The following HIBADH variants were observed in gnomAD, a reference collection of about 807,000 sequenced individuals.
The protein encoded by HIBADH is 3-hydroxyisobutyrate dehydrogenase, also known as 3-hydroxyisobutyrate dehydrogenase, mitochondrial.
Under a neutral mutation model 36.1 loss-of-function variants are expected in HIBADH, and 25 were observed. The observed-to-expected ratio is 0.69, with a 90% confidence interval of 0.50 to 0.97. The LOEUF is 0.97. Ranked by LOEUF, HIBADH falls within the 50% of genes least tolerant of loss-of-function variation. The pLI, the probability that HIBADH is intolerant of heterozygous loss-of-function variation, is 0.00. For synonymous variants in HIBADH, 160 were observed against 149.5 expected, an observed-to-expected ratio of 1.07 and a Z score of -0.51; for missense variants, 421 against 418.0, an observed-to-expected ratio of 1.01 and a Z score of -0.06.
chr7:27,571,997 G>C (rs1784635179), intron 4 of HIBADH, among the ~76,000 whole-genome samples: 1 of 152,158 alleles, frequency 6.6e-6, no homozygotes, highest in South Asian at 2.1e-4. Flanking sequence ...ACGATCCATA[G>C]AACACCCTTT....
intron 2 of HIBADH, among the ~76,000 whole-genome samples, chr7:27,641,592 A>T (rs1308777776): frequency 6.6e-6 from 1 of 152,218 alleles, no homozygotes; most frequent in East Asian, 1.9e-4. Flanking sequence ...TCTTTTATCC[A>T]ACATTTTAAA....
chr7:27,644,762 TA>T lies in HIBADH; in HGVS notation c.252+4710del, dbSNP rs769062186. Among the ~76,000 whole-genome samples the T allele has an allele frequency of 6.7e-3, 956 of 142,122 alleles. 1 individual carries two copies. The highest frequency in any genetic ancestry group is 0.011 in the Middle Eastern group (3 of 274). 93.2% of individuals were successfully genotyped at this position (142,122 alleles called of 152,430 possible). ...CCTGGTGACAGAGTGAGACTCCATTTAAAAAAAAAAAAAAAATCAGAAATCT... is the reference window on the plus strand; with the variant it reads ...CCTGGTGACAGAGTGAGACTCCATTTAAAAAAAAAAAAAAATCAGAAATCT... On this transcript the variant is annotated intron_variant, in intron 2 of 7. Coordinates refer to ENST00000265395, the MANE Select transcript of HIBADH (RefSeq NM_152740.4).
At chr7:27,529,646 A>G (rs1202048769) in intron 7 of HIBADH, among the ~76,000 whole-genome samples, 1 of 152,234 alleles carries the variant, frequency 6.6e-6, no homozygotes, top group African/African-American at 2.4e-5. Context: ...TGGTTTCTTG[A>G]GATGGATCTA....
At chr7:27,527,926 T>TTTTTTTG in intron 7 of HIBADH, among the ~76,000 whole-genome samples, 1 of 123,132 alleles carries the variant, frequency 8.1e-6, no homozygotes, top group African/African-American at 3.3e-5. Flanking sequence ...GCGTTTTTTT[T>TTTTTTTG]TTTTTTTTTT....
At chr7:27,526,601 C>T (rs1321012488) in intron 7 of HIBADH, among the ~76,000 whole-genome samples, 2 of 152,170 alleles carry the variant, frequency 1.3e-5, no homozygotes, top group African/African-American at 4.8e-5. Flanking sequence ...TTTCCACCTT[C>T]CACAATACCT....
chr7:27,577,137 T>G (rs1410789088), intron 4 of HIBADH, among the ~76,000 whole-genome samples: 3 of 151,770 alleles, frequency 2.0e-5, no homozygotes, highest in Non-Finnish European at 4.4e-5. Context: ...CTACAGCACA[T>G]TTGTGAACTT....
chr7:27,655,485 T>G (rs982049253), intron 1 of HIBADH, among the ~76,000 whole-genome samples: 1 of 152,106 alleles, frequency 6.6e-6, no homozygotes, highest in Non-Finnish European at 1.5e-5. Context: ...AAGGAAAGAG[T>G]ATATGGATGT....
rs776560774 is a variant in HIBADH at position 27,526,233 on chromosome 7, C to A, written c.992G>T (p.Arg331Leu). 20 of 1,611,010 alleles carry A rather than the reference C, an allele frequency of 1.2e-5. No individual in the cohort carries two copies. The highest frequency in any genetic ancestry group is 1.5e-5 in the Non-Finnish European group (18 of 1,178,722). Residue 331 changes from arginine (R) to leucine (L), a missense_variant, in exon 8 of 8, where the codon CGA becomes CTA. Arg to Leu is a moderately radical substitution (Grantham distance 102). Transcript: ENST00000265395. ...KDFSSVFQFL[R>L]EEETF ...GCACACTCAGAAGGTCTCCTCCTCT[C>A]GTAGGAACTGGAACACGGATGAGAA...
At chr7:27,623,706 T>C (rs1785586721) in intron 4 of HIBADH, among the ~76,000 whole-genome samples, 1 of 152,166 alleles carries the variant, frequency 6.6e-6, no homozygotes, top group Admixed American at 6.5e-5. Context: ...GAAAGATCTC[T>C]ACAAGAAAAA....
At chr7:27,568,781 A>G (rs1170559674) in intron 4 of HIBADH, among the ~76,000 whole-genome samples, 2 of 151,682 alleles carry the variant, frequency 1.3e-5, no homozygotes, top group South Asian at 2.1e-4. Context: ...CATTTTTTCT[A>G]TGTGTCTGGT....
intron 4 of HIBADH, among the ~76,000 whole-genome samples, chr7:27,601,139 G>A (rs1038970500): frequency 2.0e-5 from 3 of 151,970 alleles, no homozygotes; most frequent in Non-Finnish European, 2.9e-5. Context: ...AGTATGGGCC[G>A]GTTGATTGGA....
intron 4 of HIBADH, among the ~76,000 whole-genome samples, chr7:27,585,701 G>A (rs1784852196): frequency 6.6e-6 from 1 of 152,198 alleles, no homozygotes; most frequent in African/African-American, 2.4e-5. Context: ...CAAAGGAAGT[G>A]TATAAATTGG....
At chr7:27,617,716 G>A (rs868312045) in intron 4 of HIBADH, among the ~76,000 whole-genome samples, 44 of 152,274 alleles carry the variant, frequency 2.9e-4, no homozygotes, top group African/African-American at 9.4e-4. Context: ...AGCAGTCCAC[G>A]TCTCTGCAAT....
chr7:27,534,721 G>A (rs1784048827), intron 6 of HIBADH, among the ~76,000 whole-genome samples: 1 of 151,988 alleles, frequency 6.6e-6, no homozygotes, highest in South Asian at 2.1e-4. Flanking sequence ...AAATAAATAT[G>A]TAATGCCAGC....
At chr7:27,637,093 ACAGTAACAGCAG>A (rs1041826473) in intron 2 of HIBADH, among the ~76,000 whole-genome samples, 8 of 152,218 alleles carry the variant, frequency 5.3e-5, no homozygotes, top group African/African-American at 1.9e-4. Context: ...TGGCATAGAT[ACAGTAACAGCAG>A]CAGCAGCAGT....
chr7:27,556,069 T>C (rs1445744097), intron 4 of HIBADH, among the ~76,000 whole-genome samples: 2 of 152,178 alleles, frequency 1.3e-5, no homozygotes, highest in African/African-American at 4.8e-5. Context: ...ACATTCCACT[T>C]TGATAAATTA....
intron 4 of HIBADH, among the ~76,000 whole-genome samples, chr7:27,622,543 T>C (rs765766074): frequency 2.0e-5 from 3 of 152,066 alleles, no homozygotes; most frequent in Non-Finnish European, 4.4e-5. Context: ...TTGGCTAGTT[T>C]AACCAGGAAA....
chr7:27,616,222 G>A (rs75701899), intron 4 of HIBADH, among the ~76,000 whole-genome samples: 2,569 of 152,256 alleles, frequency 0.017, 63 homozygotes, highest in African/African-American at 0.058. Context: ...TGGGAATTAA[G>A]ACTGAGAATT....
At position 27,538,542 on chromosome 7, in the gene HIBADH, C is replaced by T. The variant is rs75580325; in HGVS notation, c.619-125G>A. The T allele has an allele frequency of 6.6e-3, 5,120 of 780,352 alleles. 33 individuals are homozygous for T. Among genetic ancestry groups the T allele is most frequent in the African/African-American group, 0.013 (738 of 58,188 alleles). The allele number at this position is 780,352 out of a possible 1,614,324, so 48.3% of individuals were successfully genotyped here. ...AATAACATTCAACTGTTGATTTTCT[C>T]GAGTGCGGAAGAGAACCTGATGCAG... On this transcript the variant is annotated intron_variant, in intron 5 of 7. Transcript: ENST00000265395.
Sources: gnomAD v4.1 joint callset for allele counts (sites outside exome capture counted in the v4.1 genomes callset) on GRCh38, gnomAD v4.1.1 for gene constraint, MANE v1.5 for transcripts, NCBI Gene and HGNC (gene_info 2026-07-23, HGNC 2026-07-21) for gene names.